Variants in INTS8 observed in about 807,000 individuals in gnomAD.
The protein encoded by INTS8 is integrator complex subunit 8, also known as protein kaonashi-1.
A neutral mutation model predicts 138.9 loss-of-function variants in INTS8; 47 were observed. The ratio of observed to expected loss-of-function variants is 0.34; its 90% CI spans 0.27 to 0.43. The LOEUF (loss-of-function observed/expected upper bound fraction) is 0.43. Among genes scored for constraint, INTS8 ranks in the 20% least tolerant of loss-of-function variants. INTS8 has a pLI of 1.00. For missense variants in INTS8, 996 were observed against 1,173.0 expected, an observed-to-expected ratio of 0.85 and a Z score of 2.20; for synonymous variants, 392 against 400.9, an observed-to-expected ratio of 0.98 and a Z score of 0.27.
At chr8:94,852,315 A>G (rs1433189334) in intron 13 of INTS8, among the ~76,000 whole-genome samples, 1 of 152,210 alleles carries the variant, frequency 6.6e-6, no homozygotes, top group African/African-American at 2.4e-5. Flanking sequence ...ATGCTTCATT[A>G]TGGAACATTT....
At chr8:94,867,496 T>C in intron 20 of INTS8, 159 bp downstream of exon 20, 1 of 575,868 alleles carries the variant, frequency 1.7e-6, no homozygotes, top group Non-Finnish European at 3.0e-6. Context: ...ATTATCTTCC[T>C]GTAAATTGTG....
chr8:94,872,334 A>G (rs1816427508), intron 21 of INTS8, among the ~76,000 whole-genome samples: 1 of 152,084 alleles, frequency 6.6e-6, no homozygotes, highest in African/African-American at 2.4e-5. Context: ...CCCGGGTTCA[A>G]GCGATTCTCC....
chr8:94,823,450 G>T lies in INTS8; in HGVS notation c.19G>T (p.Asp7Tyr). The change falls in exon 1 of 27, where the codon GAC (aspartate) becomes TAC (tyrosine). Residue 7 changes from aspartate to tyrosine, a missense_variant. Physicochemically the swap from Asp to Tyr is radical, Grantham distance 160. Transcript: ENST00000523731. MSAEAA[D>Y]REAATSSRPC... is the part of the protein sequence containing the mutation. ...GGGCAGGATGAGCGCGGAGGCGGCG[G>T]ACCGGGAGGCGGCCACCTCCAGCCG... 1 of 1,539,304 alleles carries T rather than the reference G, an allele frequency of 6.5e-7. No individual in the cohort carries two copies. The highest frequency in any genetic ancestry group is 1.2e-5 in the South Asian group (1 of 82,864).
At chr8:94,875,072 A>G (rs754050838) in intron 23 of INTS8, among the ~76,000 whole-genome samples, 3 of 152,180 alleles carry the variant, frequency 2.0e-5, no homozygotes, top group Non-Finnish European at 4.4e-5. Context: ...AGTTCCTCAA[A>G]AAGGTAAACA....
At position 94,842,412 on chromosome 8, in the gene INTS8, A is replaced by C; in HGVS notation, c.1184A>C (p.Glu395Ala). 6.2e-7 allele frequency: 1 copy of C among 1,602,502 alleles called. No individual in the cohort carries two copies. Among genetic ancestry groups the C allele is most frequent in the Non-Finnish European group, 8.5e-7 (1 of 1,169,622 alleles). The change falls in exon 10 of 27, where the codon GAA becomes GCA. Residue 395 changes from glutamate (E) to alanine (A), a missense_variant. By Grantham distance (107) the Glu-to-Ala change is moderately radical. Coordinates refer to ENST00000523731, the MANE Select transcript of INTS8 (RefSeq NM_017864.4). ...CACNTVRDIL[E>A]GRTISVQFNQ... Reference sequence around the variant, plus strand: ...TGTAATACAGTCCGTGATATACTGGAAGGCAGAACAATTAGTGTTCAATTT... The same window carrying C: ...TGTAATACAGTCCGTGATATACTGGCAGGCAGAACAATTAGTGTTCAATTT...
chr8:94,825,536 T>G (rs1452310924), intron 2 of INTS8, among the ~76,000 whole-genome samples: 1 of 152,234 alleles, frequency 6.6e-6, no homozygotes, highest in East Asian at 1.9e-4. Flanking sequence ...TAAACTGTTG[T>G]AAATTTCTCA....
chr8:94,835,092 TTTC>T (rs1481787110), intron 6 of INTS8, among the ~76,000 whole-genome samples: 2 of 152,194 alleles, frequency 1.3e-5, no homozygotes, highest in Non-Finnish European at 2.9e-5. Context: ...GAGTTTGAAC[TTTC>T]TTCTGTTTTG....
chr8:94,860,668 A>T lies in INTS8; in HGVS notation c.2076+1036A>T, dbSNP rs754785013. 2.7e-5 allele frequency among the ~76,000 whole-genome samples: 4 copies of T among 149,862 alleles called. No individual in the cohort carries two copies. In the South Asian group the frequency reaches 8.5e-4, roughly 32 times the overall value. On this transcript the variant is annotated intron_variant, in intron 16 of 26. Transcript: ENST00000523731. ...ATACGTCCCTGTCTCCTTTTTGGGT[A>T]TATTTGGTGCTTCAGATTTTCCCAT...
At position 94,849,457 on chromosome 8, in the gene INTS8, C is replaced by T; in HGVS notation, c.1261-5C>T. 3 of 1,431,256 alleles carry T rather than the reference C, an allele frequency of 2.1e-6. No homozygotes were observed. Among genetic ancestry groups the T allele is most frequent in the Non-Finnish European group, 2.9e-6 (3 of 1,039,560 alleles). The allele number at this position is 1,431,256 out of a possible 1,614,324, so 88.7% of individuals were successfully genotyped here. A position where few individuals can be genotyped will look rare whatever the true frequency, so the allele number is the denominator to read the frequency against. On this transcript the variant is annotated splice_region_variant and splice_polypyrimidine_tract_variant and intron_variant, in intron 10 of 26. Coordinates refer to ENST00000523731, the MANE Select transcript of INTS8 (RefSeq NM_017864.4). ...TATTCAAATGAAAATTACTCAAATT[C>T]CTAGGTATGTTCAAGATCAGTAAAT... is the stretch of plus-strand genomic sequence containing the variant.
At chr8:94,874,258 TG>T (rs1374079434) in intron 22 of INTS8, among the ~76,000 whole-genome samples, 12 of 146,456 alleles carry the variant, frequency 8.2e-5, no homozygotes, top group South Asian at 2.2e-4. Context: ...TTTTTTTTTT[TG>T]ATATGCATTG....
At chr8:94,873,753 T>G (rs1445120656) in intron 22 of INTS8, 1 of 252,400 alleles carries the variant, frequency 4.0e-6, no homozygotes, top group East Asian at 8.0e-5. Context: ...TCCTAATAAA[T>G]TCACCTGTCC....
At chr8:94,849,355 A>G (rs1815448037) in intron 10 of INTS8, 107 bp from the exon 11 acceptor site, 2 of 693,858 alleles carry the variant, frequency 2.9e-6, no homozygotes, top group Non-Finnish European at 2.6e-6. Flanking sequence ...TGATTGGTAC[A>G]TTGTTGAAAA....
chr8:94,843,105 A>G (rs1815195149), intron 10 of INTS8, among the ~76,000 whole-genome samples: 1 of 152,080 alleles, frequency 6.6e-6, no homozygotes, highest in Non-Finnish European at 1.5e-5. Flanking sequence ...TTTCTTTTAT[A>G]TTTGTATCAC....
At chr8:94,873,241 T>C in intron 21 of INTS8, 133 bp from the exon 22 acceptor site, 1 of 753,280 alleles carries the variant, frequency 1.3e-6, no homozygotes, top group East Asian at 2.5e-5. Context: ...AAATACGAAC[T>C]AACATTTTAT....
intron 16 of INTS8, among the ~76,000 whole-genome samples, chr8:94,861,386 C>T (rs1815974547): frequency 1.3e-5 from 2 of 149,822 alleles, no homozygotes; most frequent in South Asian, 2.2e-4. Context: ...CTCAGCCTCC[C>T]GAGTAGCTGG....
At chr8:94,857,313 C>G (rs1173663458) in intron 15 of INTS8, among the ~76,000 whole-genome samples, 1 of 152,000 alleles carries the variant, frequency 6.6e-6, no homozygotes, top group Non-Finnish European at 1.5e-5. Flanking sequence ...CTCAGGTGAT[C>G]CACCCTCCTC....
At chr8:94,852,684 G>A (rs975474697) in intron 13 of INTS8, among the ~76,000 whole-genome samples, 1 of 151,910 alleles carries the variant, frequency 6.6e-6, no homozygotes. Context: ...CGCCTCCCGG[G>A]TTCAAGCAAT....
chr8:94,850,925 A>T (rs551095490), intron 12 of INTS8, among the ~76,000 whole-genome samples: 14 of 152,208 alleles, frequency 9.2e-5, no homozygotes, highest in Non-Finnish European at 1.6e-4. Context: ...TATAGATGAG[A>T]GAGAATTCGA....
At chr8:94,862,493 A>G (rs1309415118) in intron 16 of INTS8, among the ~76,000 whole-genome samples, 1 of 152,160 alleles carries the variant, frequency 6.6e-6, no homozygotes, top group Non-Finnish European at 1.5e-5. Context: ...AGAGATAGGC[A>G]TGTGTTTGTG....
Sources: allele counts gnomAD v4.1 joint callset (sites outside exome capture counted in the v4.1 genomes callset), GRCh38; gene constraint gnomAD v4.1.1; transcripts MANE v1.5; gene names NCBI Gene and HGNC (gene_info 2026-07-23, HGNC 2026-07-21).